The following RBFOX1 variants were observed in gnomAD, a reference collection of about 807,000 sequenced individuals.
RBFOX1 encodes the protein RNA binding protein fox-1 homolog 1.
A neutral mutation model predicts 57.7 loss-of-function variants in RBFOX1; 8 were observed. That is an observed-to-expected ratio of 0.14 (90% CI 0.08 to 0.25). RBFOX1 has a LOEUF of 0.25. Among genes scored for constraint, RBFOX1 ranks in the 10% least tolerant of loss-of-function variants. The pLI, the probability that RBFOX1 is intolerant of heterozygous loss-of-function variation, is 1.00. For synonymous variants in RBFOX1, 326 were observed against 222.4 expected (o/e 1.47, Z -4.15); for missense variants, 611 against 548.5 (o/e 1.11, Z -1.14).
At chr16:5,633,730 C>T (rs1306469233) in intron 3 of RBFOX1, among the ~76,000 whole-genome samples, 3 of 151,860 alleles carry the variant, frequency 2.0e-5, no homozygotes, top group Non-Finnish European at 2.9e-5. Flanking sequence ...AAAAATTAGC[C>T]GGGCGTCGTG....
chr16:5,840,204 T>C (rs1338286850), intron 3 of RBFOX1, among the ~76,000 whole-genome samples: 1 of 152,196 alleles, frequency 6.6e-6, no homozygotes, highest in African/African-American at 2.4e-5. Flanking sequence ...GTGACAAATA[T>C]AGGACCATTT....
intron 1 of RBFOX1, among the ~76,000 whole-genome samples, chr16:6,105,302 G>T (rs879581765): frequency 6.6e-6 from 1 of 152,206 alleles, no homozygotes; most frequent in Non-Finnish European, 1.5e-5. Context: ...CATTTGTAAC[G>T]CATGATTCAT....
intron 1 of RBFOX1, among the ~76,000 whole-genome samples, chr16:6,179,868 G>A (rs1489114459): frequency 6.6e-6 from 1 of 152,218 alleles, no homozygotes; most frequent in East Asian, 1.9e-4. Flanking sequence ...GTATTTTGTA[G>A]ATGCCCTTTA....
chr16:6,091,213 C>A (rs2096167858), intron 1 of RBFOX1, among the ~76,000 whole-genome samples: 1 of 152,178 alleles, frequency 6.6e-6, no homozygotes, highest in Non-Finnish European at 1.5e-5. Context: ...CCCACTCCAC[C>A]CCCACACCCT....
chr16:7,674,206 G>C (rs952304519), intron 13 of RBFOX1, among the ~76,000 whole-genome samples: 3 of 152,112 alleles, frequency 2.0e-5, no homozygotes, highest in African/African-American at 7.2e-5. Context: ...ATAGAGGAGA[G>C]ATAAAACCAC....
chr16:7,138,728 G>T (rs2072755971), intron 4 of RBFOX1, among the ~76,000 whole-genome samples: 1 of 152,134 alleles, frequency 6.6e-6, no homozygotes, highest in South Asian at 2.1e-4. Context: ...ATTTCTGCAG[G>T]CCGTATGCTT....
chr16:6,146,993 G>A (rs987531720), intron 1 of RBFOX1, among the ~76,000 whole-genome samples: 5 of 152,224 alleles, frequency 3.3e-5, no homozygotes, highest in African/African-American at 1.2e-4. Flanking sequence ...GTGCATTAAA[G>A]CTTCACCACC....
At chr16:6,998,511 T>C (rs1052361439) in intron 3 of RBFOX1, among the ~76,000 whole-genome samples, 2 of 152,180 alleles carry the variant, frequency 1.3e-5, no homozygotes, top group Non-Finnish European at 2.9e-5. Context: ...GACTTGGCCC[T>C]ACCAGAAGCA....
intron 4 of RBFOX1, among the ~76,000 whole-genome samples, chr16:7,301,623 T>C (rs2096035742): frequency 6.6e-6 from 1 of 152,182 alleles, no homozygotes; most frequent in Non-Finnish European, 1.5e-5. Flanking sequence ...CATTAAACCG[T>C]TCAGATAAAG....
At chr16:6,800,926 C>A (rs987736057) in intron 3 of RBFOX1, among the ~76,000 whole-genome samples, 2 of 152,086 alleles carry the variant, frequency 1.3e-5, no homozygotes, top group Admixed American at 1.3e-4. Flanking sequence ...GTTTGCTATC[C>A]GTCTTGCCCC....
At chr16:7,253,410 C>A (rs1446489394) in intron 4 of RBFOX1, among the ~76,000 whole-genome samples, 1 of 152,182 alleles carries the variant, frequency 6.6e-6, no homozygotes, top group Non-Finnish European at 1.5e-5. Flanking sequence ...GGCTTGACAA[C>A]CCCTCAACCT....
intron 10 of RBFOX1, among the ~76,000 whole-genome samples, chr16:7,628,237 G>A (rs146390753): frequency 5.9e-5 from 9 of 152,202 alleles, no homozygotes; most frequent in East Asian, 3.9e-4. Flanking sequence ...TAAACCAGGC[G>A]TGCACAGGAG....
chr16:5,454,954 CCTTCCTTTCTTTCTTTCTTT>C (rs1346905758), intron 1 of RBFOX1, among the ~76,000 whole-genome samples: 17 of 40,430 alleles, frequency 4.2e-4, no homozygotes, highest in African/African-American at 1.3e-3. Flanking sequence ...TTCCTTCCTT[CCTTCCTTTCTTTCTTTCTTT>C]CTTTCTTTCT....
At chr16:6,119,893 A>G (rs1048299177) in intron 1 of RBFOX1, among the ~76,000 whole-genome samples, 67 of 152,194 alleles carry the variant, frequency 4.4e-4, no homozygotes, top group African/African-American at 1.6e-3. Flanking sequence ...AGACATTTTT[A>G]TCACCCTAGA....
intron 3 of RBFOX1, among the ~76,000 whole-genome samples, chr16:5,819,754 G>A (rs1321768212): frequency 6.6e-6 from 1 of 152,140 alleles, no homozygotes; most frequent in Non-Finnish European, 1.5e-5. Flanking sequence ...TTAAGACATG[G>A]CTTTAGTTTC....
chr16:7,709,203 C>A, intron 15 of RBFOX1, 72 bp downstream of exon 15: 4 of 1,398,690 alleles, frequency 2.9e-6, no homozygotes, highest in African/African-American at 2.9e-5. Context: ...GACCTCAGTA[C>A]GGGTTGACGT....
At chr16:6,269,406 A>G (rs1280448342) in intron 1 of RBFOX1, among the ~76,000 whole-genome samples, 1 of 152,206 alleles carries the variant, frequency 6.6e-6, no homozygotes, top group Non-Finnish European at 1.5e-5. Flanking sequence ...CCCAAGTCAG[A>G]TTAACTGAAG....
In RBFOX1 at chr16:7,418,270, T is replaced by C. The variant is rs114454824; in HGVS notation, c.28-99877T>C. 4.3e-3 allele frequency among the ~76,000 whole-genome samples: 658 copies of C among 152,342 alleles called. 6 individuals are homozygous for C. Among genetic ancestry groups the C allele is most frequent in the African/African-American group, 0.015 (623 of 41,576 alleles). On this transcript the variant is annotated intron_variant, in intron 4 of 15. Coordinates refer to ENST00000550418, the MANE Select transcript of RBFOX1 (RefSeq NM_018723.4). ...AGGTTTGCCAGAGGTAAACCAGGTC[T>C]TCCAGAGTATACCAGAAAGGACTGC...
intron 4 of RBFOX1, among the ~76,000 whole-genome samples, chr16:7,374,162 T>G (rs2097639039): frequency 6.6e-6 from 1 of 152,144 alleles, no homozygotes; most frequent in Non-Finnish European, 1.5e-5. Flanking sequence ...GGTTTGCAGA[T>G]GATGTGGAAT....
Sources: gnomAD v4.1 joint callset for allele counts (sites outside exome capture counted in the v4.1 genomes callset) on GRCh38, gnomAD v4.1.1 for gene constraint, MANE v1.5 for transcripts, NCBI Gene and HGNC (gene_info 2026-07-23, HGNC 2026-07-21) for gene names.